The following IGFL2 variants were observed in gnomAD, a reference collection of about 807,000 sequenced individuals.
The protein encoded by IGFL2 is insulin growth factor-like family member 2.
A neutral mutation model predicts 13.9 loss-of-function variants in IGFL2; 7 were observed. The observed-to-expected ratio is 0.51, with a 90% CI of 0.29 to 0.95. The LOEUF is 0.95. Among genes scored for constraint, IGFL2 ranks in the 40% least tolerant of loss-of-function variants. The pLI, the probability that IGFL2 is intolerant of heterozygous loss-of-function variation, is 0.08. For missense variants in IGFL2, 138 were observed against 147.8 expected (o/e 0.93, Z 0.34); for synonymous variants, 55 against 55.8 (o/e 0.99, Z 0.07).
chr19:46,098,425 G>T, the IGFL2 span, among the ~76,000 whole-genome samples: 61 of 150,266 alleles, frequency 4.1e-4, no homozygotes, highest in African/African-American at 1.2e-3. Context: ...CTTGAATCTT[G>T]AATACAGCAC....
At chr19:46,142,313 A>G (rs1972895045), upstream of IGFL2, among the ~76,000 whole-genome samples, 1 of 152,228 alleles carries the variant, frequency 6.6e-6, no homozygotes, top group Non-Finnish European at 1.5e-5. Flanking sequence ...GACAAAAATA[A>G]TAATGTTCCT....
At chr19:46,192,636 G>A in the IGFL2 span, among the ~76,000 whole-genome samples, 1,540 of 152,040 alleles carry the variant, frequency 0.01, 28 homozygotes, top group African/African-American at 0.035. Context: ...GACCAGGCTA[G>A]TCTCGAACTC....
chr19:46,141,136 C>T (rs1266579354), upstream of IGFL2, among the ~76,000 whole-genome samples: 1 of 152,174 alleles, frequency 6.6e-6, no homozygotes, highest in African/African-American at 2.4e-5. Context: ...TAAAGGGAAA[C>T]CTTACCTCTA....
upstream of IGFL2, among the ~76,000 whole-genome samples, chr19:46,139,418 A>G (rs1972758001): frequency 6.6e-6 from 1 of 151,884 alleles, no homozygotes; most frequent in African/African-American, 2.4e-5. Context: ...AAGAACCTCT[A>G]TGCACATGTA....
the IGFL2 span, among the ~76,000 whole-genome samples, chr19:46,210,861 G>A: frequency 6.6e-6 from 1 of 152,174 alleles, no homozygotes; most frequent in East Asian, 1.9e-4. Flanking sequence ...CATCACAGAG[G>A]GTGTGCATGA....
the IGFL2 span, among the ~76,000 whole-genome samples, chr19:46,078,879 C>A: frequency 0.013 from 1,615 of 126,978 alleles, 29 homozygotes; most frequent in Middle Eastern, 0.032. Flanking sequence ...GTAGACATCG[C>A]GCAGGCGTCG....
the IGFL2 span, among the ~76,000 whole-genome samples, chr19:46,096,598 C>T: frequency 6.6e-6 from 1 of 152,020 alleles, no homozygotes; most frequent in Non-Finnish European, 1.5e-5. Flanking sequence ...TGTCTTGTGC[C>T]AGTTTTCGAA....
At chr19:46,143,956 G>T (rs936012579), upstream of IGFL2, among the ~76,000 whole-genome samples, 2 of 152,208 alleles carry the variant, frequency 1.3e-5, no homozygotes, top group African/African-American at 4.8e-5. Context: ...AGCCTTAGGG[G>T]ATTCTTCCAG....
At chr19:46,099,160 T>C in the IGFL2 span, among the ~76,000 whole-genome samples, 1 of 152,214 alleles carries the variant, frequency 6.6e-6, no homozygotes, top group South Asian at 2.1e-4. Flanking sequence ...TCCACTCTCT[T>C]CTGGCTTGTA....
chr19:46,182,558 T>C, the IGFL2 span, among the ~76,000 whole-genome samples: 1 of 152,152 alleles, frequency 6.6e-6, no homozygotes, highest in African/African-American at 2.4e-5. Context: ...CTTAAGTCCT[T>C]TTTTGTTAGC....
upstream of IGFL2, among the ~76,000 whole-genome samples, chr19:46,144,826 C>T (rs1207153337): frequency 6.6e-6 from 1 of 152,130 alleles, no homozygotes; most frequent in Non-Finnish European, 1.5e-5. Context: ...TCACTCTTTC[C>T]TATAGTTTTG....
At chr19:46,194,691 G>A in the IGFL2 span, among the ~76,000 whole-genome samples, 1 of 151,446 alleles carries the variant, frequency 6.6e-6, no homozygotes, top group Non-Finnish European at 1.5e-5. Flanking sequence ...ACGTGGTCAC[G>A]GGCACCTGCA....
chr19:46,161,398 C>T, downstream of IGFL2: 1 of 268,666 alleles, frequency 3.7e-6, no homozygotes, highest in East Asian at 6.3e-5. Flanking sequence ...AGATTGAACT[C>T]AGTTCTGCTG....
At chr19:46,127,222 C>G in the IGFL2 span, among the ~76,000 whole-genome samples, 3 of 152,062 alleles carry the variant, frequency 2.0e-5, no homozygotes, top group East Asian at 5.8e-4. Flanking sequence ...CCTGTCTGTA[C>G]CAGAAAACAA....
chr19:46,122,748 G>A, the IGFL2 span, among the ~76,000 whole-genome samples: 30 of 150,932 alleles, frequency 2.0e-4, 1 homozygote, highest in South Asian at 5.4e-3. Flanking sequence ...TACATTACAC[G>A]TATTACCTCT....
chr19:46,104,594 C>G, the IGFL2 span, among the ~76,000 whole-genome samples: 1 of 152,086 alleles, frequency 6.6e-6, no homozygotes, highest in Non-Finnish European at 1.5e-5. Flanking sequence ...CTACCCAGAC[C>G]AAGAGGTATT....
chr19:46,160,378 C>T, intron 1 of IGFL2, 37 bp from the exon 2 acceptor site: 2 of 1,592,026 alleles, frequency 1.3e-6, no homozygotes, highest in Non-Finnish European at 1.7e-6. Flanking sequence ...GGCCACACTT[C>T]CAGCCCCATC....
chr19:46,158,640 T>C (rs1431243777), intron 1 of IGFL2, among the ~76,000 whole-genome samples: 1 of 152,182 alleles, frequency 6.6e-6, no homozygotes, highest in African/African-American at 2.4e-5. Context: ...CACTTGTACC[T>C]TTTCTTGTTA....
the IGFL2 span, among the ~76,000 whole-genome samples, chr19:46,093,183 T>A: frequency 2.0e-4 from 31 of 152,182 alleles, no homozygotes; most frequent in Admixed American, 2.0e-3. Flanking sequence ...ATATTTGAAA[T>A]AGTTGGACAC....
Sources: gnomAD v4.1 joint callset for allele counts (sites outside exome capture counted in the v4.1 genomes callset) on GRCh38, gnomAD v4.1.1 for gene constraint, MANE v1.5 for transcripts, NCBI Gene and HGNC (gene_info 2026-07-23, HGNC 2026-07-21) for gene names.